HERC6: variants seen among roughly 807,000 people sequenced by gnomAD.
The protein encoded by HERC6 is HECT and RLD domain containing E3 ubiquitin protein ligase family member 6.
In HERC6, 101 loss-of-function variants were observed where a neutral mutation model predicts 114.5. The observed-to-expected ratio is 0.88, with a 90% CI of 0.75 to 1.04. The LOEUF (loss-of-function observed/expected upper bound fraction) is 1.04, where lower values mean the gene tolerates loss of function less well. Among genes scored for constraint, HERC6 ranks in the 50% least tolerant of loss-of-function variants. HERC6 has a pLI of 0.00. For missense variants in HERC6, 1,133 were observed against 1,230.9 expected, an observed-to-expected ratio of 0.92 and a Z score of 1.19; for synonymous variants, 408 against 436.2, an observed-to-expected ratio of 0.94 and a Z score of 0.81.
chr4:88,406,601 G>A (rs912074567), intron 10 of HERC6, among the ~76,000 whole-genome samples: 10 of 152,264 alleles, frequency 6.6e-5, no homozygotes, highest in South Asian at 2.1e-4. Flanking sequence ...CCAGGAGTGA[G>A]GAACTCCTAA....
At chr4:88,403,570 C>T (rs1012357650) in intron 8 of HERC6, among the ~76,000 whole-genome samples, 3 of 151,890 alleles carry the variant, frequency 2.0e-5, no homozygotes, top group African/African-American at 7.3e-5. Context: ...CTGGCTAACG[C>T]GGTGAAACCC....
intron 2 of HERC6, among the ~76,000 whole-genome samples, chr4:88,384,000 A>C (rs1734452282): frequency 6.6e-6 from 1 of 152,170 alleles, no homozygotes; most frequent in East Asian, 1.9e-4. Context: ...GTAAAGTAGA[A>C]ACATTTGAGC....
At chr4:88,437,048 A>T in intron 19 of HERC6, 77 bp downstream of exon 19, 2 of 1,106,988 alleles carry the variant, frequency 1.8e-6, no homozygotes, top group Non-Finnish European at 2.6e-6. Flanking sequence ...TAGTATCTTA[A>T]ATTTGGGATC....
At chr4:88,408,703 T>C in intron 11 of HERC6, 86 bp downstream of exon 11, 1 of 902,846 alleles carries the variant, frequency 1.1e-6, no homozygotes, top group Non-Finnish European at 1.8e-6. Flanking sequence ...GGAACTATGA[T>C]TGTAATTGCC....
Position 88,379,029 on chromosome 4 carries a change from G to A in HERC6, c.108G>A (p.Leu36=). The change falls in exon 1 of 23, where the codon CTG becomes CTA. Residue 36 remains leucine, a synonymous_variant. Transcript: ENST00000264346. ...LQAASGERHS[L]LLLTNHRVLS... is the part of the protein sequence containing the mutation. ...CGGCCAGCGGGGAGCGCCACTCTCT[G>A]CTGCTGCTGACCAACCACAGGGTCC... 6.4e-7 allele frequency: 1 copy of A among 1,565,016 alleles called. No homozygotes were observed. The highest frequency in any genetic ancestry group is 8.6e-7 in the Non-Finnish European group (1 of 1,156,562).
At chr4:88,380,589 C>T (rs913507390) in intron 1 of HERC6, among the ~76,000 whole-genome samples, 18 of 147,410 alleles carry the variant, frequency 1.2e-4, no homozygotes, top group African/African-American at 3.0e-4. Context: ...TGGTGGCGGG[C>T]GCCTGTAGTC....
At chr4:88,380,313 TATAA>T (rs1275539125) in intron 1 of HERC6, among the ~76,000 whole-genome samples, 1 of 36,710 alleles carries the variant, frequency 2.7e-5, no homozygotes, top group East Asian at 8.1e-4. Flanking sequence ...ATATATAATA[TATAA>T]ATATATATAT....
chr4:88,386,637 A>G (rs1734602025), intron 3 of HERC6, among the ~76,000 whole-genome samples: 1 of 152,240 alleles, frequency 6.6e-6, no homozygotes, highest in Non-Finnish European at 1.5e-5. Context: ...GGGATAATAA[A>G]TTGTGGGAAA....
chr4:88,381,418 T>C (rs186926367), intron 1 of HERC6, among the ~76,000 whole-genome samples: 3 of 152,220 alleles, frequency 2.0e-5, no homozygotes, highest in Admixed American at 6.5e-5. Context: ...GTTTGGACTT[T>C]AAAGGATGAT....
chr4:88,379,242 C>T (rs1734034446), intron 1 of HERC6, 122 bp downstream of exon 1: 1 of 780,376 alleles, frequency 1.3e-6, no homozygotes, highest in South Asian at 2.0e-5. Context: ...CGCGGGGGCC[C>T]AGGTGCAGGG....
chr4:88,426,489 C>G (rs1445969012), intron 15 of HERC6, among the ~76,000 whole-genome samples: 1 of 141,782 alleles, frequency 7.1e-6, no homozygotes, highest in Non-Finnish European at 1.5e-5. Context: ...TTATCATCAT[C>G]ATCATCTTAA....
chr4:88,378,938 G>A lies in HERC6; in HGVS notation c.17G>A (p.Gly6Asp). 3 of 1,593,636 alleles carry A rather than the reference G, an allele frequency of 1.9e-6. No individual in the cohort carries two copies. The highest frequency in any genetic ancestry group is 1.1e-5 in the South Asian group (1 of 87,968). Residue 6 changes from glycine to aspartate, a missense_variant, in exon 1 of 23, where the codon GGC becomes GAC. Gly to Asp is a moderately conservative substitution (Grantham distance 94, BLOSUM62 -1). Transcript: ENST00000264346. MYFCW[G>D]ADSRELQRRR... ...AGAAGCGGGATGTACTTCTGTTGGG[G>A]CGCCGACTCCAGGGAGCTGCAGCGC...
rs1734865151 is a variant in HERC6, at chr4:88,390,686, T to C, written c.471T>C (p.His157=). The C allele has an allele frequency of 1.2e-6, 2 of 1,612,638 alleles. No homozygotes were observed. The highest frequency in any genetic ancestry group is 1.7e-5 in the Admixed American group (1 of 59,990). ...SQVFSWGKNS[H]GQLGLGKEFP... ...TGTTTTCGTGGGGAAAGAACAGCCA[T>C]GGGCAGCTGGGCTTGGGGAAGGAGT... The change falls in exon 4 of 23, where the codon CAT becomes CAC. Residue 157 remains histidine, a synonymous_variant. Coordinates refer to ENST00000264346, the MANE Select transcript of HERC6 (RefSeq NM_017912.4).
chr4:88,393,862 A>G (rs1453584390), intron 5 of HERC6, among the ~76,000 whole-genome samples: 2 of 152,110 alleles, frequency 1.3e-5, no homozygotes, highest in African/African-American at 4.8e-5. Flanking sequence ...TAGTGAAGGG[A>G]GTGAGGGGTC....
At chr4:88,437,671 T>G in intron 19 of HERC6, 40 bp from the exon 20 acceptor site, 1 of 1,300,578 alleles carries the variant, frequency 7.7e-7, no homozygotes, top group Middle Eastern at 1.8e-4. Flanking sequence ...TTATTCAAAC[T>G]TACTTTGATA....
rs145288760 is a variant in HERC6, at chr4:88,388,021, A to G, written c.436+2446A>G. Among the ~76,000 whole-genome samples the G allele has an allele frequency of 1.0e-4, 16 of 152,400 alleles. No homozygotes were observed. In the East Asian group the frequency reaches 2.9e-3, roughly 28 times the overall value. ...TGCCCTCAAAATTATTTTTAGTGTT[A>G]GAAATTAACTTTAGAAGAGTTAAAA... On this transcript the variant is annotated intron_variant, in intron 3 of 22. Transcript: ENST00000264346.
At chr4:88,384,500 A>G (rs1036643736) in intron 2 of HERC6, among the ~76,000 whole-genome samples, 24 of 152,296 alleles carry the variant, frequency 1.6e-4, no homozygotes, top group Admixed American at 7.2e-4. Context: ...TTGGCTCTGG[A>G]TTATGTGTTT....
chr4:88,437,396 C>T lies in HERC6; in HGVS notation c.2485-315C>T, dbSNP rs928228311. On this transcript the variant is annotated intron_variant, in intron 19 of 22. Coordinates refer to ENST00000264346, the MANE Select transcript of HERC6 (RefSeq NM_017912.4). ...TTTAAAAGACATTTTATTTCTGTAC[C>T]GCAAGACTTTCCCCTTATCTTCTTC... Among the ~76,000 whole-genome samples, 4 of 152,072 alleles carry T rather than the reference C, an allele frequency of 2.6e-5. No homozygotes were observed. The South Asian group carries it at 6.2e-4, about 24-fold the overall frequency.
intron 13 of HERC6, among the ~76,000 whole-genome samples, chr4:88,423,646 GTCTTAT>G (rs1249642147): frequency 1.3e-5 from 2 of 152,066 alleles, no homozygotes; most frequent in Non-Finnish European, 2.9e-5. Flanking sequence ...CACTGTCAGC[GTCTTAT>G]CTTTGACATT....
Sources: gnomAD v4.1 joint callset for allele counts (sites outside exome capture counted in the v4.1 genomes callset) on GRCh38, gnomAD v4.1.1 for gene constraint, MANE v1.5 for transcripts, NCBI Gene and HGNC (gene_info 2026-07-23, HGNC 2026-07-21) for gene names.